Variants in ASXL2 observed in about 807,000 individuals in gnomAD.
ASXL2 encodes putative Polycomb group protein ASXL2.
Under a neutral mutation model 122.0 loss-of-function variants are expected in ASXL2, and 23 were observed. That is an observed-to-expected ratio of 0.19 (90% CI 0.14 to 0.27). ASXL2 has a LOEUF of 0.27. ASXL2 is among the 10% of genes least tolerant of loss of function. The pLI is 1.00. For synonymous variants in ASXL2, 650 were observed against 637.0 expected, an observed-to-expected ratio of 1.02 and a Z score of -0.31; for missense variants, 1,518 against 1,713.8, an observed-to-expected ratio of 0.89 and a Z score of 2.02.
At position 25,878,151 on chromosome 2, in the gene ASXL2, C is replaced by T. The variant is rs559073674; in HGVS notation, c.57+15G>A. On this transcript the variant is annotated intron_variant, in intron 1 of 12. Coordinates refer to ENST00000435504, the MANE Select transcript of ASXL2 (RefSeq NM_018263.6). ...AAAATCCTCCCGGCCTTCCCCTTCG[C>T]TCCCTCCCCCTTACCGTCTTGGCGG... The T allele has an allele frequency of 1.9e-6, 3 of 1,613,872 alleles. No homozygotes were observed. Among genetic ancestry groups the T allele is most frequent in the Non-Finnish European group, 1.7e-6 (2 of 1,179,830 alleles).
At chr2:25,788,013 A>G (rs1046941789) in intron 5 of ASXL2, among the ~76,000 whole-genome samples, 13 of 152,228 alleles carry the variant, frequency 8.5e-5, no homozygotes, top group African/African-American at 2.9e-4. Context: ...TGGTACTGTT[A>G]CAAGGAAAGA....
chr2:25,877,758 G>A (rs2090021582), intron 1 of ASXL2, among the ~76,000 whole-genome samples: 1 of 152,152 alleles, frequency 6.6e-6, no homozygotes, highest in Non-Finnish European at 1.5e-5. Context: ...TCCTTTCCGG[G>A]GCTGGATGCA....
intron 1 of ASXL2, among the ~76,000 whole-genome samples, chr2:25,877,091 T>TA (rs1040762010): frequency 3.9e-5 from 6 of 152,190 alleles, no homozygotes; most frequent in Non-Finnish European, 8.8e-5. Context: ...CTTTTATATT[T>TA]AAAAAACTCA....
In ASXL2 at chr2:25,740,718, A is replaced by G; in HGVS notation, c.*1311T>C. Reference sequence around the variant, plus strand: ...TTCCTTCCTTTCCAGATGTTCCCTTAGCCATTCAGAGGCCTCTTTCCATTA... The same window carrying G: ...TTCCTTCCTTTCCAGATGTTCCCTTGGCCATTCAGAGGCCTCTTTCCATTA... On this transcript the variant is annotated 3_prime_UTR_variant, in exon 13 of 13. Transcript: ENST00000435504. 1 of 213,644 alleles carries G rather than the reference A, an allele frequency of 4.7e-6. No individual in the cohort carries two copies. Among genetic ancestry groups the G allele is most frequent in the Non-Finnish European group, 9.5e-6 (1 of 105,752 alleles). The allele number at this position is 213,644 out of a possible 1,614,324, so 13.2% of individuals were successfully genotyped here.
rs2087913449 is a variant in ASXL2 at position 25,744,842 on chromosome 2, A to AAAGC, written c.1861-370_1861-367dup. Among the ~76,000 whole-genome samples, 1 of 152,142 alleles carries AAAGC rather than the reference A, an allele frequency of 6.6e-6. No homozygotes were observed. The highest frequency in any genetic ancestry group is 1.5e-5 in the Non-Finnish European group (1 of 68,032). On this transcript the variant is annotated intron_variant, in intron 12 of 12. Coordinates refer to ENST00000435504, the MANE Select transcript of ASXL2 (RefSeq NM_018263.6). This position sits in a 1 kb window ranked among gnomAD's most constrained non-coding sequence, Gnocchi z 4.7. ...GTATTTATGTTTGAGAAAGAAGAGA[A>AAAGC]AAGCAAGCAAGCCAGCCACCCATAC...
chr2:25,810,705 C>G, intron 3 of ASXL2: 1 of 647,450 alleles, frequency 1.5e-6, no homozygotes, highest in Non-Finnish European at 2.8e-6. Flanking sequence ...CTCCTCTGCT[C>G]AGCGTTGCAG....
chr2:25,835,485 A>C (rs2089499223), intron 3 of ASXL2, 53 bp downstream of exon 3: 3 of 232,328 alleles, frequency 1.3e-5, no homozygotes, highest in South Asian at 1.3e-4. Flanking sequence ...AATTTATAAA[A>C]GTGTGCTTTA....
rs1447755095 is a variant in ASXL2, at chr2:25,865,464, AT to A, written c.57+12701del. On this transcript the variant is annotated intron_variant, in intron 1 of 12. Transcript: ENST00000435504. ...AAATAAAAATAAAAATGTTATAAAA[AT>A]TTTTTTTAAATCCAAATATAGGCTG... is the stretch of plus-strand genomic sequence containing the variant. 4.7e-5 allele frequency among the ~76,000 whole-genome samples: 7 copies of A among 147,614 alleles called. No individual in the cohort carries two copies. The South Asian group carries it at 1.5e-3, about 32-fold the overall frequency.
chr2:25,878,298 G>T lies in ASXL2; in HGVS notation c.-76C>A. 1 of 1,502,912 alleles carries T rather than the reference G, an allele frequency of 6.7e-7. No individual in the cohort carries two copies. The highest frequency in any genetic ancestry group is 9.2e-7 in the Non-Finnish European group (1 of 1,090,176). 93.1% of individuals were successfully genotyped at this position (1,502,912 alleles called of 1,614,324 possible). A position where few individuals can be genotyped will look rare whatever the true frequency, so the allele number is the denominator to read the frequency against. On this transcript the variant is annotated 5_prime_UTR_variant, in exon 1 of 13. Transcript: ENST00000435504. ...CTCCCTGCCTGCTCTGCCCTGCGCT[G>T]CTTTTCCCGCGGTGCCGGGAAAGGT...
In ASXL2 at chr2:25,816,274, A is replaced by C. The variant is rs538477573; in HGVS notation, c.144-9937T>G. 7.2e-5 allele frequency among the ~76,000 whole-genome samples: 11 copies of C among 152,276 alleles called. No homozygotes were observed. In the South Asian group the frequency reaches 1.9e-3, roughly 26 times the overall value. ...AAAAGTTAATATTTTCCTAAATCTT[A>C]AGCGTCAAGGATAAAGAAAGAATCA... On this transcript the variant is annotated intron_variant, in intron 3 of 12. Coordinates refer to ENST00000435504, the MANE Select transcript of ASXL2 (RefSeq NM_018263.6).
intron 1 of ASXL2, among the ~76,000 whole-genome samples, chr2:25,860,674 G>T (rs1185020470): frequency 6.6e-6 from 1 of 151,194 alleles, no homozygotes; most frequent in Non-Finnish European, 1.5e-5. Flanking sequence ...TCATGCCACT[G>T]CACTCCAGCC....
At chr2:25,781,186 C>A (rs777696843) in intron 5 of ASXL2, among the ~76,000 whole-genome samples, 1 of 151,846 alleles carries the variant, frequency 6.6e-6, no homozygotes, top group Admixed American at 6.6e-5. Flanking sequence ...GAAATGAATG[C>A]AATTTTATCT....
rs763371631 is a variant in ASXL2, at chr2:25,750,180, G to A, written c.1376C>T (p.Thr459Ile). 3.7e-6 allele frequency: 6 copies of A among 1,613,950 alleles called. No individual in the cohort carries two copies. In the Admixed American group the frequency reaches 1.0e-4, roughly 27 times the overall value. ...TGAGGAAAGCAGGGGCTCTGAAGAT[G>A]TGGAGAAGTTCGGCTGCACTTCACC... ...SQGEVQPNFS[T>I]SSEPLLSSAL... Residue 459 changes from threonine (T) to isoleucine (I), a missense_variant, in exon 12 of 13, where the codon ACA becomes ATA. By Grantham distance (89) the Thr-to-Ile change is moderately conservative. Transcript: ENST00000435504.
intron 1 of ASXL2, among the ~76,000 whole-genome samples, chr2:25,865,465 T>A (rs926561372): frequency 7.4e-5 from 11 of 149,302 alleles, no homozygotes; most frequent in South Asian, 4.3e-4. Flanking sequence ...GTTATAAAAA[T>A]TTTTTTTAAA....
At chr2:25,874,451 T>C (rs2089995144) in intron 1 of ASXL2, among the ~76,000 whole-genome samples, 1 of 151,526 alleles carries the variant, frequency 6.6e-6, no homozygotes, top group Non-Finnish European at 1.5e-5. Flanking sequence ...ATCACGCCAC[T>C]GCATTCCAGC....
intron 2 of ASXL2, among the ~76,000 whole-genome samples, chr2:25,845,106 T>G (rs2089634243): frequency 6.6e-6 from 1 of 152,224 alleles, no homozygotes. Flanking sequence ...TTATTTCTTC[T>G]GGGACTATCT....
intron 3 of ASXL2, among the ~76,000 whole-genome samples, chr2:25,826,347 G>A (rs1468697582): frequency 6.6e-6 from 1 of 152,106 alleles, no homozygotes; most frequent in Non-Finnish European, 1.5e-5. Flanking sequence ...CTCCTTTCCA[G>A]ATTATTTTTG....
chr2:25,857,775 T>C (rs995907810), intron 1 of ASXL2, among the ~76,000 whole-genome samples: 38 of 152,214 alleles, frequency 2.5e-4, no homozygotes, highest in African/African-American at 8.9e-4. Flanking sequence ...TAACATACTA[T>C]ATACTGTAAT....
intron 5 of ASXL2, among the ~76,000 whole-genome samples, chr2:25,781,855 G>T (rs2088644211): frequency 6.6e-6 from 1 of 150,570 alleles, no homozygotes; most frequent in South Asian, 2.1e-4. Context: ...GTAGAGACGG[G>T]GTTTTGCCAT....
Sources: gnomAD v4.1 joint callset for allele counts (sites outside exome capture counted in the v4.1 genomes callset) on GRCh38, gnomAD v4.1.1 for gene constraint, Gnocchi (gnomAD v3.1) non-coding constraint, MANE v1.5 for transcripts, NCBI Gene and HGNC (gene_info 2026-07-23, HGNC 2026-07-21) for gene names.